NPFFR2: variants seen among roughly 807,000 people sequenced by gnomAD.
NPFFR2 encodes the protein G-protein coupled receptor 74.
In NPFFR2, 15 loss-of-function variants were observed where a neutral mutation model predicts 13.1. The ratio of observed to expected loss-of-function variants is 1.15; its 90% CI spans 0.77 to 1.76. The LOEUF (loss-of-function observed/expected upper bound fraction) is 1.76, where lower values mean the gene tolerates loss of function less well. NPFFR2 is among the 40% of genes most tolerant of loss of function. NPFFR2 has a pLI of 0.00. For missense variants in NPFFR2, 572 were observed against 503.5 expected, an observed-to-expected ratio of 1.14 and a Z score of -1.30; for synonymous variants, 190 against 175.7, an observed-to-expected ratio of 1.08 and a Z score of -0.65.
intron 1 of NPFFR2, among the ~76,000 whole-genome samples, chr4:72,098,285 A>G (rs1346447428): frequency 1.3e-5 from 2 of 152,210 alleles, no homozygotes; most frequent in African/African-American, 4.8e-5. Flanking sequence ...AAAACTAGAC[A>G]TATGTAAAAA....
chr4:72,101,182 C>A (rs748679222), intron 1 of NPFFR2, among the ~76,000 whole-genome samples: 11 of 152,132 alleles, frequency 7.2e-5, no homozygotes, highest in Non-Finnish European at 1.5e-4. Flanking sequence ...TTCTTCACAT[C>A]ACTTCATTTT....
At chr4:72,058,909 G>A (rs1017295162) in intron 1 of NPFFR2, among the ~76,000 whole-genome samples, 8 of 152,024 alleles carry the variant, frequency 5.3e-5, no homozygotes, top group African/African-American at 1.9e-4. Flanking sequence ...CATAGCTCTA[G>A]CAAATACACC....
At chr4:72,122,544 C>A (rs923581378) in intron 1 of NPFFR2, among the ~76,000 whole-genome samples, 2 of 152,182 alleles carry the variant, frequency 1.3e-5, no homozygotes, top group Non-Finnish European at 2.9e-5. Context: ...GAAATCATAA[C>A]AAACAGTCTC....
chr4:72,043,629 G>C (rs1719296899), intron 1 of NPFFR2, among the ~76,000 whole-genome samples: 1 of 152,208 alleles, frequency 6.6e-6, no homozygotes, highest in African/African-American at 2.4e-5. Context: ...TGCTTGCATG[G>C]GGCCTGTAGC....
chr4:72,145,790 A>G (rs1458232195), intron 3 of NPFFR2, among the ~76,000 whole-genome samples: 4 of 152,232 alleles, frequency 2.6e-5, no homozygotes, highest in Non-Finnish European at 5.9e-5. Flanking sequence ...GGAATGTAAC[A>G]ATTTTCATAA....
intron 1 of NPFFR2, among the ~76,000 whole-genome samples, chr4:72,123,001 C>T (rs577702306): frequency 6.6e-6 from 1 of 152,014 alleles, no homozygotes; most frequent in South Asian, 2.1e-4. Flanking sequence ...ATATGTAGAC[C>T]ACTAGGCACA....
chr4:72,075,793 T>G (rs921299321), intron 1 of NPFFR2, among the ~76,000 whole-genome samples: 1 of 152,102 alleles, frequency 6.6e-6, no homozygotes, highest in Admixed American at 6.6e-5. Flanking sequence ...AGTAATTGTT[T>G]AATGAATATA....
intron 1 of NPFFR2, among the ~76,000 whole-genome samples, chr4:72,072,657 G>T (rs1210431556): frequency 1.3e-5 from 2 of 152,070 alleles, no homozygotes; most frequent in Non-Finnish European, 2.9e-5. Context: ...AATATTTGAA[G>T]AAATCATGGC....
At chr4:72,079,053 A>ACAC (rs1720524161) in intron 1 of NPFFR2, among the ~76,000 whole-genome samples, 1 of 139,104 alleles carries the variant, frequency 7.2e-6, no homozygotes. Flanking sequence ...CATAGAACTA[A>ACAC]ACACACACAC....
intron 1 of NPFFR2, among the ~76,000 whole-genome samples, chr4:72,047,589 C>G (rs1295956475): frequency 1.3e-5 from 2 of 152,188 alleles, no homozygotes; most frequent in Non-Finnish European, 2.9e-5. Flanking sequence ...TTTCCCAAAT[C>G]ACAGAACTCA....
At chr4:72,043,832 G>A (rs7677362) in intron 1 of NPFFR2, among the ~76,000 whole-genome samples, 135,335 of 152,068 alleles carry the variant, frequency 0.89, 61,360 homozygotes, top group Non-Finnish European at 0.98. Flanking sequence ...GACTTTAGGG[G>A]ACTGTTGGAA....
chr4:72,077,170 A>G (rs1720471627), intron 1 of NPFFR2, among the ~76,000 whole-genome samples: 2 of 152,044 alleles, frequency 1.3e-5, no homozygotes, highest in Admixed American at 1.3e-4. Context: ...TATTCAGCCT[A>G]TTTTAAAATA....
intron 1 of NPFFR2, among the ~76,000 whole-genome samples, chr4:72,038,239 T>G (rs1210606223): frequency 6.6e-6 from 1 of 152,218 alleles, no homozygotes; most frequent in Non-Finnish European, 1.5e-5. Context: ...CTCACAGTAT[T>G]GTCTGATTTG....
chr4:72,111,858 G>C lies in NPFFR2; in HGVS notation c.-7-16727G>C, dbSNP rs180777431. Among the ~76,000 whole-genome samples the C allele has an allele frequency of 3.0e-3, 452 of 152,108 alleles. 2 individuals carry two copies. Among genetic ancestry groups the C allele is most frequent in the Non-Finnish European group, 4.7e-3 (316 of 67,948 alleles). On this transcript the variant is annotated intron_variant, in intron 1 of 3. Coordinates refer to ENST00000308744, the MANE Select transcript of NPFFR2 (RefSeq NM_004885.3). ...CACTCCTAAACTTATTCTGATGCTA[G>C]TCCCCCCAACATGGCATCTCCAAAT...
At chr4:72,054,274 T>C (rs1459684112) in intron 1 of NPFFR2, among the ~76,000 whole-genome samples, 1 of 151,918 alleles carries the variant, frequency 6.6e-6, no homozygotes, top group Non-Finnish European at 1.5e-5. Context: ...GTTGTTGGTG[T>C]AAGCACGGCC....
intron 1 of NPFFR2, among the ~76,000 whole-genome samples, chr4:72,065,936 C>T (rs534519870): frequency 1.3e-5 from 2 of 152,290 alleles, no homozygotes; most frequent in South Asian, 4.1e-4. Flanking sequence ...TCATGCAAGC[C>T]CCCTTACCCT....
At chr4:72,049,628 A>G (rs1719482809) in intron 1 of NPFFR2, among the ~76,000 whole-genome samples, 1 of 152,078 alleles carries the variant, frequency 6.6e-6, no homozygotes, top group Admixed American at 6.6e-5. Context: ...CTAAGAGATC[A>G]CCTCACAAAG....
intron 2 of NPFFR2, among the ~76,000 whole-genome samples, chr4:72,133,941 ATTAAT>A (rs141598588): frequency 0.25 from 38,284 of 151,828 alleles, 5,391 homozygotes; most frequent in Middle Eastern, 0.37. Context: ...TTTAAATTAC[ATTAAT>A]TAGTTTAAAG....
intron 1 of NPFFR2, among the ~76,000 whole-genome samples, chr4:72,097,743 G>T (rs1190025851): frequency 6.6e-6 from 1 of 152,148 alleles, no homozygotes; most frequent in African/African-American, 2.4e-5. Context: ...CTTCTGAGAT[G>T]TATCTAATAA....
Sources: gnomAD v4.1 joint callset for allele counts (sites outside exome capture counted in the v4.1 genomes callset) on GRCh38, gnomAD v4.1.1 for gene constraint, MANE v1.5 for transcripts, NCBI Gene and HGNC (gene_info 2026-07-23, HGNC 2026-07-21) for gene names.